NAA60: variants seen among roughly 807,000 people sequenced by gnomAD.
NAA60 encodes N-alpha-acetyltransferase 60, NatF catalytic subunit.
In NAA60, 8 loss-of-function variants were observed where a neutral mutation model predicts 26.1. That is an observed-to-expected ratio of 0.31 (90% CI 0.18 to 0.55). NAA60 has a LOEUF of 0.55. NAA60 is among the 20% of genes least tolerant of loss of function. NAA60 has a pLI of 0.93. For missense variants in NAA60, 290 were observed against 311.3 expected, an observed-to-expected ratio of 0.93 and a Z score of 0.51; for synonymous variants, 131 against 122.5, an observed-to-expected ratio of 1.07 and a Z score of -0.46.
intron 2 of NAA60, among the ~76,000 whole-genome samples, chr16:3,453,635 C>T (rs2034869702): frequency 6.6e-6 from 1 of 151,972 alleles, no homozygotes; most frequent in Non-Finnish European, 1.5e-5. Flanking sequence ...CTCGAACTCC[C>T]AACCTCAGGT....
Position 3,485,023 on chromosome 16 carries a change from AC to A in NAA60, c.*169del. Reference sequence around the variant, plus strand: ...GGTGCTACACGGGCTCGGGAACAGAACATCGTGGGCATGCGCAGAGCATGCC... The same window carrying A: ...GGTGCTACACGGGCTCGGGAACAGAAATCGTGGGCATGCGCAGAGCATGCC... On this transcript the variant is annotated 3_prime_UTR_variant, in exon 7 of 8. Coordinates refer to ENST00000407558, the MANE Select transcript of NAA60 (RefSeq NM_001083601.3). 6.6e-7 allele frequency: 1 copy of A among 1,520,472 alleles called. No homozygotes were observed. The highest frequency in any genetic ancestry group is 8.8e-7 in the Non-Finnish European group (1 of 1,135,416). 94.2% of individuals were successfully genotyped at this position (1,520,472 alleles called of 1,614,324 possible).
At chr16:3,448,024 T>C (rs1474411549) in intron 1 of NAA60, among the ~76,000 whole-genome samples, 10 of 152,094 alleles carry the variant, frequency 6.6e-5, no homozygotes, top group Admixed American at 6.6e-4. Context: ...ACTGAATAAT[T>C]ATCGTTACTA....
chr16:3,477,936 G>C (rs2036583245), intron 3 of NAA60, among the ~76,000 whole-genome samples: 1 of 152,132 alleles, frequency 6.6e-6, no homozygotes, highest in Admixed American at 6.6e-5. Context: ...CATGGTGCAG[G>C]CACCTGTAAT....
intron 2 of NAA60, among the ~76,000 whole-genome samples, chr16:3,469,325 T>G (rs7197970): frequency 1.8e-4 from 16 of 91,304 alleles, no homozygotes; most frequent in Admixed American, 5.1e-4. Flanking sequence ...TTGCTGCTCC[T>G]CCCAGCACTG....
At chr16:3,475,817 T>C (rs1011119977) in intron 2 of NAA60, among the ~76,000 whole-genome samples, 4 of 152,248 alleles carry the variant, frequency 2.6e-5, no homozygotes, top group African/African-American at 9.6e-5. Flanking sequence ...TGGGGGCTGC[T>C]GAACCCACAA....
intron 1 of NAA60, among the ~76,000 whole-genome samples, chr16:3,445,057 T>TCACACA (rs1398381079): frequency 6.6e-6 from 1 of 152,140 alleles, no homozygotes; most frequent in Non-Finnish European, 1.5e-5. Context: ...TGGGGATGGA[T>TCACACA]CACAAAAGAG....
At chr16:3,455,289 C>G (rs896515946) in intron 2 of NAA60, among the ~76,000 whole-genome samples, 1 of 151,682 alleles carries the variant, frequency 6.6e-6, no homozygotes, top group Non-Finnish European at 1.5e-5. Flanking sequence ...CTGCTGGTCT[C>G]GAACCTCTTG....
intron 2 of NAA60, among the ~76,000 whole-genome samples, chr16:3,463,551 T>TAAAA (rs71133639): frequency 8.8e-6 from 1 of 113,924 alleles, no homozygotes; most frequent in Non-Finnish European, 1.7e-5. Flanking sequence ...GACCCTGTGT[T>TAAAA]AAAAAAAAAA....
intron 1 of NAA60, among the ~76,000 whole-genome samples, chr16:3,444,482 A>T (rs2034469998): frequency 6.6e-6 from 1 of 152,202 alleles, no homozygotes; most frequent in Admixed American, 6.5e-5. Flanking sequence ...AGGTACCTTG[A>T]TAGAAAAGCC....
intron 1 of NAA60, among the ~76,000 whole-genome samples, chr16:3,444,239 G>T (rs1000111807): frequency 1.3e-5 from 2 of 152,064 alleles, no homozygotes; most frequent in Admixed American, 6.6e-5. Context: ...GGGGAGGAGG[G>T]AGTGCCCTGG....
At chr16:3,469,285 T>A (rs1596325493) in intron 2 of NAA60, among the ~76,000 whole-genome samples, 1 of 135,046 alleles carries the variant, frequency 7.4e-6, no homozygotes, top group Non-Finnish European at 1.6e-5. Context: ...AGAGAGCACC[T>A]GCCTGGCAGG....
Position 3,479,524 on chromosome 16 carries a change from T to C in NAA60, c.164T>C (p.Leu55Pro). Residue 55 changes from leucine (L) to proline (P), a missense_variant, in exon 4 of 8, where the codon CTT becomes CCT. Leu to Pro is a moderately conservative substitution (Grantham distance 98, BLOSUM62 -3). Transcript: ENST00000407558. ...DITSNKKFFS[L>P]AATYRGAIVG... ...ACATCCAACAAGAAGTTCTTTTCCC[T>C]TGCTGCAACCTACAGAGGTGCCATT... 1 of 1,614,052 alleles carries C rather than the reference T, an allele frequency of 6.2e-7. No individual in the cohort carries two copies. The highest frequency in any genetic ancestry group is 1.1e-5 in the South Asian group (1 of 91,088).
intron 2 of NAA60, among the ~76,000 whole-genome samples, chr16:3,461,564 A>T (rs2035397428): frequency 6.6e-6 from 1 of 152,164 alleles, no homozygotes; most frequent in Non-Finnish European, 1.5e-5. Context: ...ATGTCTCTTC[A>T]AGTTAGGAGT....
In NAA60 at chr16:3,470,198, G is replaced by A. The variant is rs533925680; in HGVS notation, c.-6-6024G>A. Among the ~76,000 whole-genome samples the A allele has an allele frequency of 3.3e-5, 5 of 152,320 alleles. No homozygotes were observed. The South Asian group carries it at 6.2e-4, about 19-fold the overall frequency. ...CAGAATTGGCCATTGCCACCTCTGA[G>A]GGGCTGGGAAATGGGTGACCCTGCC... On this transcript the variant is annotated intron_variant, in intron 2 of 7. Transcript: ENST00000407558.
intron 1 of NAA60, chr16:3,447,502 C>T: frequency 1.0e-6 from 1 of 985,346 alleles, no homozygotes; most frequent in Non-Finnish European, 1.2e-6. Context: ...CTTTTAAGGT[C>T]TATTACTTAA....
chr16:3,478,740 G>T (rs1468166744), intron 3 of NAA60, among the ~76,000 whole-genome samples: 1 of 152,166 alleles, frequency 6.6e-6, no homozygotes, highest in Non-Finnish European at 1.5e-5. Context: ...ACGCCTGTCA[G>T]CTGTGAACCT....
chr16:3,443,731 TGAA>T lies in NAA60; in HGVS notation c.-181_-179del, dbSNP rs2034435258. The T allele has an allele frequency of 1.3e-6, 2 of 1,484,848 alleles. No homozygotes were observed. Among genetic ancestry groups the T allele is most frequent in the East Asian group, 2.6e-5 (1 of 38,688 alleles). 92.0% of individuals were successfully genotyped at this position (1,484,848 alleles called of 1,614,324 possible). On this transcript the variant is annotated 5_prime_UTR_variant, in exon 1 of 8. Transcript: ENST00000407558. The stretch of plus-strand genomic sequence containing the variant: ...GTGAGCTCCGGGCCTGTTTGCCTGC[TGAA>T]GTAGAGTCTTAGGGTGACCCCAGGG...
At chr16:3,476,710 C>T (rs1016602617) in intron 3 of NAA60, among the ~76,000 whole-genome samples, 3 of 151,204 alleles carry the variant, frequency 2.0e-5, no homozygotes, top group South Asian at 4.2e-4. Flanking sequence ...ATTATTCAGC[C>T]GGGAAAAAAA....
intron 2 of NAA60, among the ~76,000 whole-genome samples, chr16:3,450,699 C>CAAAAAAA (rs539095336): frequency 6.8e-5 from 5 of 73,602 alleles, no homozygotes; most frequent in Admixed American, 1.8e-4. Flanking sequence ...GACTCCGTCT[C>CAAAAAAA]AAAAAAAAAA....
Sources: gnomAD v4.1 joint callset for allele counts (sites outside exome capture counted in the v4.1 genomes callset) on GRCh38, gnomAD v4.1.1 for gene constraint, MANE v1.5 for transcripts, NCBI Gene and HGNC (gene_info 2026-07-23, HGNC 2026-07-21) for gene names.